BLNK: variants seen among roughly 807,000 people sequenced by gnomAD.
BLNK encodes B-cell linker protein.
BLNK carries 29 observed loss-of-function variants against 73.5 expected under a neutral mutation model. The observed-to-expected ratio is 0.39, with a 90% CI of 0.29 to 0.54. The LOEUF (loss-of-function observed/expected upper bound fraction) is 0.54. BLNK is among the 20% of genes least tolerant of loss of function. BLNK has a pLI of 0.61. For synonymous variants in BLNK, 176 were observed against 200.8 expected, an observed-to-expected ratio of 0.88 and a Z score of 1.04; for missense variants, 460 against 562.8, an observed-to-expected ratio of 0.82 and a Z score of 1.85.
intron 10 of BLNK, among the ~76,000 whole-genome samples, chr10:96,207,389 C>T (rs1263094641): frequency 6.6e-6 from 1 of 150,940 alleles, no homozygotes; most frequent in African/African-American, 2.5e-5. Flanking sequence ...GGTCTCATGA[C>T]CCCCCCCTTC....
At chr10:96,261,801 C>T (rs1462511230) in intron 1 of BLNK, among the ~76,000 whole-genome samples, 5 of 152,138 alleles carry the variant, frequency 3.3e-5, no homozygotes, top group African/African-American at 1.2e-4. Flanking sequence ...CAATGAAATA[C>T]TCTTCCTAGT....
At chr10:96,235,692 C>T (rs944426465) in intron 3 of BLNK, among the ~76,000 whole-genome samples, 2 of 152,060 alleles carry the variant, frequency 1.3e-5, no homozygotes, top group Non-Finnish European at 2.9e-5. Flanking sequence ...GCCATGTGCC[C>T]GAGGTGGGGC....
chr10:96,262,714 G>A (rs1486550842), intron 1 of BLNK, among the ~76,000 whole-genome samples: 1 of 152,150 alleles, frequency 6.6e-6, no homozygotes, highest in African/African-American at 2.4e-5. Flanking sequence ...AAAATATATA[G>A]CAGTAGGATA....
At chr10:96,216,511 C>T in intron 7 of BLNK, 142 bp downstream of exon 7, 1 of 742,954 alleles carries the variant, frequency 1.3e-6, no homozygotes, top group Non-Finnish European at 2.4e-6. Context: ...CCCAACCAGC[C>T]AAAGAAGCAC....
intron 5 of BLNK, among the ~76,000 whole-genome samples, chr10:96,225,447 C>T (rs1264875692): frequency 1.3e-5 from 2 of 152,192 alleles, no homozygotes; most frequent in Admixed American, 6.5e-5. Context: ...CCTCCGCTGC[C>T]TCCTCAGAAG....
At chr10:96,195,051 G>A (rs1016497177) in intron 16 of BLNK, among the ~76,000 whole-genome samples, 3 of 152,080 alleles carry the variant, frequency 2.0e-5, no homozygotes, top group Admixed American at 1.3e-4. Flanking sequence ...TTACAGGCGT[G>A]AGCCACCGCG....
chr10:96,213,565 G>T (rs1279915018), intron 8 of BLNK, among the ~76,000 whole-genome samples: 3 of 152,014 alleles, frequency 2.0e-5, no homozygotes, highest in Admixed American at 6.6e-5. Flanking sequence ...AGCAAGACCC[G>T]TGACATACAG....
chr10:96,234,469 T>C (rs1406819030), intron 3 of BLNK, among the ~76,000 whole-genome samples: 1 of 152,170 alleles, frequency 6.6e-6, no homozygotes, highest in Non-Finnish European at 1.5e-5. Flanking sequence ...AGTGCACAGG[T>C]GGTAGTTTAG....
intron 3 of BLNK, among the ~76,000 whole-genome samples, chr10:96,236,212 G>A (rs587705084): frequency 6.6e-6 from 1 of 152,126 alleles, no homozygotes. Context: ...CCCTGATCCT[G>A]CTCTGGAGGC....
chr10:96,231,156 G>C (rs1694991967), intron 3 of BLNK, among the ~76,000 whole-genome samples: 1 of 152,194 alleles, frequency 6.6e-6, no homozygotes, highest in African/African-American at 2.4e-5. Flanking sequence ...GGACTTCAGA[G>C]GATGGCGTAG....
chr10:96,204,814 C>CA (rs1488927000), intron 11 of BLNK, 198 bp from the exon 12 acceptor site: 2 of 578,330 alleles, frequency 3.5e-6, no homozygotes, highest in Non-Finnish European at 6.3e-6. Flanking sequence ...GACTCCCTCC[C>CA]AGCAGTGTTA....
At chr10:96,224,592 T>C (rs889737402) in intron 5 of BLNK, among the ~76,000 whole-genome samples, 2 of 152,258 alleles carry the variant, frequency 1.3e-5, no homozygotes, top group Non-Finnish European at 2.9e-5. Flanking sequence ...TAAGGCCAAC[T>C]GGATCTGAGT....
At chr10:96,253,241 A>G (rs1053038552) in intron 1 of BLNK, among the ~76,000 whole-genome samples, 7 of 152,182 alleles carry the variant, frequency 4.6e-5, no homozygotes, top group Admixed American at 2.6e-4. Flanking sequence ...CTTTATCTGC[A>G]TCTTTCTTTC....
chr10:96,263,345 C>G (rs1554913467), intron 1 of BLNK, among the ~76,000 whole-genome samples: 1 of 152,192 alleles, frequency 6.6e-6, no homozygotes, highest in African/African-American at 2.4e-5. Context: ...TCTGGGGCCC[C>G]CAGCCAGCAT....
At chr10:96,243,578 G>A (rs1208207395) in intron 2 of BLNK, among the ~76,000 whole-genome samples, 1 of 152,084 alleles carries the variant, frequency 6.6e-6, no homozygotes, top group Non-Finnish European at 1.5e-5. Flanking sequence ...CAAGTGAACA[G>A]TGAGTGTCTC....
At chr10:96,244,720 A>C (rs1274663886) in intron 2 of BLNK, among the ~76,000 whole-genome samples, 1 of 152,190 alleles carries the variant, frequency 6.6e-6, no homozygotes, top group South Asian at 2.1e-4. Flanking sequence ...GCTGAGAAGA[A>C]ACATGGTTTG....
chr10:96,210,872 T>G (rs1291904628), intron 8 of BLNK, among the ~76,000 whole-genome samples: 2 of 146,376 alleles, frequency 1.4e-5, no homozygotes. Context: ...CGTTTTTTTT[T>G]TTTTTTTTTT....
chr10:96,199,614 G>A, intron 15 of BLNK: 2 of 435,880 alleles, frequency 4.6e-6, no homozygotes, highest in Admixed American at 2.6e-5. Context: ...TCTTGAGTAA[G>A]TAAAGGAAAA....
intron 15 of BLNK, chr10:96,199,495 C>A (rs375499776): frequency 1.7e-5 from 8 of 462,166 alleles, no homozygotes; most frequent in Middle Eastern, 6.5e-4. Context: ...GGAGCTTTCT[C>A]GTCTCCCACT....
Sources: allele counts gnomAD v4.1 joint callset (sites outside exome capture counted in the v4.1 genomes callset), GRCh38; gene constraint gnomAD v4.1.1; transcripts MANE v1.5; gene names NCBI Gene and HGNC (gene_info 2026-07-23, HGNC 2026-07-21).